The following CREBBP variants were observed in gnomAD, a reference collection of about 807,000 sequenced individuals.
CREBBP encodes the protein CREB binding lysine acetyltransferase, also known as CREB-binding protein.
Under a neutral mutation model 265.0 loss-of-function variants are expected in CREBBP, and 19 were observed. That is an observed-to-expected ratio of 0.07 (90% CI 0.05 to 0.11). The LOEUF (loss-of-function observed/expected upper bound fraction) is 0.11, where lower values mean the gene tolerates loss of function less well. Ranked by LOEUF, CREBBP falls within the 10% of genes least tolerant of loss-of-function variation. CREBBP has a pLI of 1.00. For missense variants in CREBBP, 2,525 were observed against 3,219.0 expected, an observed-to-expected ratio of 0.78 and a Z score of 5.22; for synonymous variants, 1,457 against 1,223.7, an observed-to-expected ratio of 1.19 and a Z score of -3.98.
Position 3,822,853 on chromosome 16 carries a change from G to C in CREBBP, c.799-12074C>G, listed in dbSNP as rs144321704. Among the ~76,000 whole-genome samples the C allele has an allele frequency of 3.2e-3, 482 of 152,276 alleles. 5 individuals carry two copies. Among genetic ancestry groups the C allele is most frequent in the African/African-American group, 0.011 (459 of 41,564 alleles). On this transcript the variant is annotated intron_variant, in intron 2 of 30. Transcript: ENST00000262367. Reference sequence around the variant, plus strand: ...GATGTCAGCGAGGAGACAAAACAGGGAAGGGTGCTGAGGGAGCCAGGAGCT... The same window carrying C: ...GATGTCAGCGAGGAGACAAAACAGGCAAGGGTGCTGAGGGAGCCAGGAGCT...
At chr16:3,768,234 C>T (rs535807763) in intron 15 of CREBBP, among the ~76,000 whole-genome samples, 97 of 148,178 alleles carry the variant, frequency 6.5e-4, no homozygotes, top group Admixed American at 2.2e-3. Context: ...CAACCTCCCC[C>T]TCCTGGGTTC....
chr16:3,783,007 A>T, intron 5 of CREBBP, 81 bp from the exon 6 acceptor site: 1 of 1,547,404 alleles, frequency 6.5e-7, no homozygotes. Flanking sequence ...AAAACTATTG[A>T]GAAGCAAATA....
intron 12 of CREBBP, 32 bp downstream of exon 12, chr16:3,774,537 C>T: frequency 2.5e-6 from 4 of 1,613,576 alleles, no homozygotes; most frequent in Non-Finnish European, 3.4e-6. Flanking sequence ...AGAGGGAGGG[C>T]TATCTGCAGC....
intron 2 of CREBBP, chr16:3,840,612 CCT>C: frequency 5.8e-6 from 1 of 173,036 alleles, no homozygotes; most frequent in South Asian, 1.1e-4. Context: ...GATTCAGGGG[CCT>C]CTCAAAACTT....
chr16:3,765,097 C>T (rs955695801), intron 16 of CREBBP, among the ~76,000 whole-genome samples: 1 of 152,074 alleles, frequency 6.6e-6, no homozygotes, highest in Non-Finnish European at 1.5e-5. Flanking sequence ...CCTCAGCCTC[C>T]CGAGCAGCTG....
chr16:3,767,447 C>T (rs544315116), intron 16 of CREBBP: 19 of 559,866 alleles, frequency 3.4e-5, no homozygotes, highest in Admixed American at 1.3e-4. Context: ...TTCAACTCGG[C>T]CCCTGCCAGC....
In CREBBP at chr16:3,880,708, T is replaced by G. The variant is rs1301325477; in HGVS notation, c.-792A>C. The G allele has an allele frequency of 1.4e-5, 2 of 138,108 alleles. No individual in the cohort carries two copies. The highest frequency in any genetic ancestry group is 5.3e-5 in the African/African-American group (2 of 37,858). 8.6% of individuals were successfully genotyped at this position (138,108 alleles called of 1,614,324 possible). ...CGACAAGATGGCGGCTGTTGATTCC[T>G]CAATTAAAAAAAAAAGAAAGTTTTT... On this transcript the variant is annotated 5_prime_UTR_variant, in exon 1 of 31. Transcript: ENST00000262367.
chr16:3,740,624 A>AC (rs750873875), intron 23 of CREBBP, 75 bp from the exon 24 acceptor site: 77 of 1,546,420 alleles, frequency 5.0e-5, no homozygotes, highest in Non-Finnish European at 6.8e-5. Flanking sequence ...TAGAGAATCC[A>AC]CCCCACTTTG....
intron 19 of CREBBP, among the ~76,000 whole-genome samples, chr16:3,754,375 C>T (rs1423039468): frequency 6.6e-6 from 1 of 152,212 alleles, no homozygotes; most frequent in Non-Finnish European, 1.5e-5. Flanking sequence ...ACCTAGTCCA[C>T]ACTTTATTCT....
intron 2 of CREBBP, chr16:3,812,946 T>C: frequency 4.7e-6 from 1 of 210,646 alleles, no homozygotes; most frequent in Non-Finnish European, 9.6e-6. Context: ...ACCTGGTGAC[T>C]GCCACGCCAG....
At chr16:3,806,453 TAA>T (rs763924641) in intron 3 of CREBBP, among the ~76,000 whole-genome samples, 2 of 141,768 alleles carry the variant, frequency 1.4e-5, no homozygotes. Flanking sequence ...ACGCAGTTCT[TAA>T]AAAAAAAAAA....
chr16:3,766,880 A>C (rs76506996), intron 16 of CREBBP, among the ~76,000 whole-genome samples: 2 of 151,596 alleles, frequency 1.3e-5, no homozygotes, highest in East Asian at 1.9e-4. Context: ...CCACACAACA[A>C]CTCTCTGGGG....
At chr16:3,740,114 GGCACA>G (rs2052164949) in intron 24 of CREBBP, among the ~76,000 whole-genome samples, 1 of 152,132 alleles carries the variant, frequency 6.6e-6, no homozygotes. Flanking sequence ...TTATAAATTA[GGCACA>G]GCAAGAGATT....
intron 11 of CREBBP, among the ~76,000 whole-genome samples, chr16:3,775,303 C>G (rs1157607977): frequency 6.6e-6 from 1 of 152,224 alleles, no homozygotes; most frequent in East Asian, 1.9e-4. Flanking sequence ...ACCTTAGCCT[C>G]CTGTAGTTTA....
chr16:3,822,710 T>A (rs1048423324), intron 2 of CREBBP, among the ~76,000 whole-genome samples: 1 of 152,226 alleles, frequency 6.6e-6, no homozygotes, highest in African/African-American at 2.4e-5. Context: ...CAAAGATATA[T>A]TGTTATCAAA....
Position 3,850,860 on chromosome 16 carries a change from C to A in CREBBP, c.235G>T (p.Gly79Cys). 6.2e-7 allele frequency: 1 copy of A among 1,614,146 alleles called. No homozygotes were observed. The change falls in exon 2 of 31, where the codon GGC becomes TGC. Residue 79 changes from glycine (G) to cysteine (C), a missense_variant. Coordinates refer to ENST00000262367, the MANE Select transcript of CREBBP (RefSeq NM_004380.3). ...QLSELLRGGS[G>C]SSINPGIGNV... ...CCTATTCCTGGGTTGATACTAGAGC[C>A]GCTGCCTCCTCGTAGAAGCTCCGAC...
intron 5 of CREBBP, among the ~76,000 whole-genome samples, chr16:3,785,469 C>T (rs1435059373): frequency 6.6e-6 from 1 of 152,256 alleles, no homozygotes; most frequent in African/African-American, 2.4e-5. Flanking sequence ...GCTCATGTCA[C>T]GTTCCCTGTG....
At chr16:3,847,105 T>C (rs1398291693) in intron 2 of CREBBP, among the ~76,000 whole-genome samples, 6 of 152,152 alleles carry the variant, frequency 3.9e-5, no homozygotes, top group Non-Finnish European at 8.8e-5. Flanking sequence ...CAATAAATTA[T>C]GATGTATCAT....
chr16:3,851,123 C>G (rs2054824899), intron 1 of CREBBP, 114 bp from the exon 2 acceptor site: 1 of 865,434 alleles, frequency 1.2e-6, no homozygotes, highest in Non-Finnish European at 1.9e-6. Context: ...ACTAGCATGT[C>G]TTAAGAGTCA....
Sources: allele counts gnomAD v4.1 joint callset (sites outside exome capture counted in the v4.1 genomes callset), GRCh38; gene constraint gnomAD v4.1.1; transcripts MANE v1.5; gene names NCBI Gene and HGNC (gene_info 2026-07-23, HGNC 2026-07-21).